Variants in GRM8 observed in about 807,000 individuals in gnomAD.
GRM8 encodes glutamate metabotropic receptor 8, also known as metabotropic glutamate receptor 8.
In GRM8, 47 loss-of-function variants were observed where a neutral mutation model predicts 87.2. That is an observed-to-expected ratio of 0.54 (90% CI 0.43 to 0.69). The LOEUF (loss-of-function observed/expected upper bound fraction) is 0.69, where lower values mean the gene tolerates loss of function less well. GRM8 is among the 30% of genes least tolerant of loss of function. GRM8 has a pLI of 0.00. For synonymous variants in GRM8, 396 were observed against 404.5 expected, an observed-to-expected ratio of 0.98 and a Z score of 0.25; for missense variants, 1,019 against 1,139.2, an observed-to-expected ratio of 0.89 and a Z score of 1.52.
At chr7:126,547,816 T>C (rs566945004) in intron 8 of GRM8, among the ~76,000 whole-genome samples, 5 of 151,968 alleles carry the variant, frequency 3.3e-5, no homozygotes, top group African/African-American at 1.2e-4. Flanking sequence ...TATACAAACA[T>C]TAGTTTATAT....
chr7:126,757,853 C>T (rs1185811736), intron 7 of GRM8, among the ~76,000 whole-genome samples: 1 of 152,182 alleles, frequency 6.6e-6, no homozygotes, highest in Non-Finnish European at 1.5e-5. Context: ...ACCTTCTTAT[C>T]TATCCTATCC....
chr7:126,622,744 G>A lies in GRM8; in HGVS notation c.1358-13246C>T, dbSNP rs762944863. ...CTCAAGAAGAAAGCAACTAAAATCCGTTACTCTATCCCCACAGACTCATTC... is the reference window on the plus strand; with the variant it reads ...CTCAAGAAGAAAGCAACTAAAATCCATTACTCTATCCCCACAGACTCATTC... On this transcript the variant is annotated intron_variant, in intron 7 of 10. Coordinates refer to ENST00000339582, the MANE Select transcript of GRM8 (RefSeq NM_000845.3). 2.4e-4 allele frequency among the ~76,000 whole-genome samples: 36 copies of A among 152,224 alleles called. 1 individual carries two copies. The highest frequency in any genetic ancestry group is 1.5e-3 in the South Asian group (7 of 4,824).
intron 3 of GRM8, among the ~76,000 whole-genome samples, chr7:126,964,959 C>T (rs1403899253): frequency 1.3e-5 from 2 of 152,164 alleles, no homozygotes; most frequent in Non-Finnish European, 2.9e-5. Context: ...CACATATACA[C>T]CATGGAATAC....
At chr7:127,107,125 T>C (rs1376931142) in intron 2 of GRM8, among the ~76,000 whole-genome samples, 3 of 152,248 alleles carry the variant, frequency 2.0e-5, no homozygotes, top group Non-Finnish European at 2.9e-5. Flanking sequence ...TTATAGGACA[T>C]AAATGCTATA....
At chr7:127,110,823 A>G (rs1330327066) in intron 2 of GRM8, among the ~76,000 whole-genome samples, 1 of 152,170 alleles carries the variant, frequency 6.6e-6, no homozygotes, top group African/African-American at 2.4e-5. Flanking sequence ...GGAGGGGGAA[A>G]GAAATCAAAG....
At chr7:127,145,919 T>C (rs1828529245) in intron 2 of GRM8, among the ~76,000 whole-genome samples, 1 of 152,064 alleles carries the variant, frequency 6.6e-6, no homozygotes, top group Admixed American at 6.6e-5. Flanking sequence ...GCAACCCTAC[T>C]TTTAAAAAAG....
At chr7:127,159,253 T>C (rs1210109927) in intron 2 of GRM8, among the ~76,000 whole-genome samples, 1 of 152,206 alleles carries the variant, frequency 6.6e-6, no homozygotes, top group Non-Finnish European at 1.5e-5. Context: ...TCATTTAAAT[T>C]AAGCATTTTA....
At chr7:126,851,293 C>T (rs1009903011) in intron 6 of GRM8, among the ~76,000 whole-genome samples, 6 of 152,172 alleles carry the variant, frequency 3.9e-5, no homozygotes, top group Admixed American at 1.3e-4. Context: ...AAGTCACCAT[C>T]ATGCCCCTCC....
chr7:126,731,693 G>A (rs1180174607), intron 7 of GRM8, among the ~76,000 whole-genome samples: 1 of 151,868 alleles, frequency 6.6e-6, no homozygotes, highest in African/African-American at 2.4e-5. Context: ...TCCAGCACAT[G>A]CACAATTATT....
intron 3 of GRM8, among the ~76,000 whole-genome samples, chr7:126,958,652 C>A (rs1808995579): frequency 6.6e-6 from 1 of 152,178 alleles, no homozygotes; most frequent in Non-Finnish European, 1.5e-5. Context: ...CCTATCAGGA[C>A]AAGTGGGCAT....
At chr7:126,925,352 CAT>C (rs1158818175) in intron 3 of GRM8, among the ~76,000 whole-genome samples, 1 of 152,166 alleles carries the variant, frequency 6.6e-6, no homozygotes, top group African/African-American at 2.4e-5. Flanking sequence ...AATTGCTGCA[CAT>C]GTGTTCTATT....
intron 3 of GRM8, among the ~76,000 whole-genome samples, chr7:127,097,165 T>C (rs746115599): frequency 6.6e-6 from 1 of 152,144 alleles, no homozygotes; most frequent in Non-Finnish European, 1.5e-5. Context: ...TGGCAAGTGG[T>C]ACCACAGAGT....
intron 7 of GRM8, among the ~76,000 whole-genome samples, chr7:126,742,394 A>G (rs1024052424): frequency 3.3e-5 from 5 of 151,982 alleles, no homozygotes; most frequent in African/African-American, 1.2e-4. Context: ...AAGTTTTAGG[A>G]CTGCAAAGCA....
At chr7:127,168,784 A>G (rs1211185725) in intron 2 of GRM8, among the ~76,000 whole-genome samples, 1 of 151,990 alleles carries the variant, frequency 6.6e-6, no homozygotes, top group East Asian at 1.9e-4. Context: ...ATGTTCTCAC[A>G]CATAAGTGGG....
intron 7 of GRM8, among the ~76,000 whole-genome samples, chr7:126,759,988 G>A (rs1389572682): frequency 6.6e-6 from 1 of 152,034 alleles, no homozygotes; most frequent in African/African-American, 2.4e-5. Flanking sequence ...TTGTGTTTCT[G>A]ATCGCTAGAA....
At chr7:126,695,942 A>G (rs534325048) in intron 7 of GRM8, among the ~76,000 whole-genome samples, 3 of 152,302 alleles carry the variant, frequency 2.0e-5, no homozygotes, top group Admixed American at 1.3e-4. Context: ...TTAAAGAGCC[A>G]TAAGAGGCAA....
chr7:126,779,983 T>C (rs1423233989), intron 6 of GRM8, among the ~76,000 whole-genome samples: 2 of 152,232 alleles, frequency 1.3e-5, no homozygotes, highest in Non-Finnish European at 1.5e-5. Flanking sequence ...TGAGACAATG[T>C]AAGGCATCTG....
At chr7:126,802,219 A>G (rs1483570675) in intron 6 of GRM8, among the ~76,000 whole-genome samples, 1 of 151,944 alleles carries the variant, frequency 6.6e-6, no homozygotes, top group African/African-American at 2.4e-5. Context: ...TCTCTTGGCA[A>G]TTTTCTAGTA....
At chr7:126,569,764 A>G (rs1794539512) in intron 8 of GRM8, among the ~76,000 whole-genome samples, 1 of 152,148 alleles carries the variant, frequency 6.6e-6, no homozygotes, top group African/African-American at 2.4e-5. Context: ...AAGAAAATCT[A>G]CTCTATTATC....
Sources: allele counts gnomAD v4.1 joint callset (sites outside exome capture counted in the v4.1 genomes callset), GRCh38; gene constraint gnomAD v4.1.1; transcripts MANE v1.5; gene names NCBI Gene and HGNC (gene_info 2026-07-23, HGNC 2026-07-21).